Variants in SLC11A2 observed in about 807,000 individuals in gnomAD.
The protein encoded by SLC11A2 is natural resistance-associated macrophage protein 2.
Under a neutral mutation model 68.0 loss-of-function variants are expected in SLC11A2, and 38 were observed. That is an observed-to-expected ratio of 0.56 (90% confidence interval 0.43 to 0.73). SLC11A2 has a LOEUF of 0.73. Among genes scored for constraint, SLC11A2 ranks in the 30% least tolerant of loss-of-function variants. SLC11A2 has a pLI of 0.00. For missense variants in SLC11A2, 517 were observed against 690.5 expected (o/e 0.75, Z 2.82); for synonymous variants, 242 against 250.6 (o/e 0.97, Z 0.32).
intron 1 of SLC11A2, among the ~76,000 whole-genome samples, chr12:51,023,454 T>A (rs1453745126): frequency 6.6e-6 from 1 of 152,018 alleles, no homozygotes; most frequent in Non-Finnish European, 1.5e-5. Flanking sequence ...CTCAAAAATA[T>A]AAAAATAAAG....
intron 3 of SLC11A2, chr12:51,006,321 CAAACAAAA>C (rs1004643107): frequency 6.2e-6 from 1 of 162,552 alleles, no homozygotes; most frequent in African/African-American, 2.4e-5. Context: ...AACAAACAAA[CAAACAAAA>C]ACCAGAGATC....
At chr12:50,989,218 G>A (rs1000373864) in intron 15 of SLC11A2, among the ~76,000 whole-genome samples, 4 of 152,126 alleles carry the variant, frequency 2.6e-5, no homozygotes, top group Non-Finnish European at 5.9e-5. Context: ...AGCCAGACAC[G>A]GTGGCTCATG....
downstream of SLC11A2, among the ~76,000 whole-genome samples, chr12:50,977,739 T>G (rs1939867915): frequency 6.6e-6 from 1 of 152,044 alleles, no homozygotes; most frequent in South Asian, 2.1e-4. Flanking sequence ...ATTTCTGCAA[T>G]CTACTCATCT....
At chr12:51,021,916 C>A (rs1321942833) in intron 1 of SLC11A2, among the ~76,000 whole-genome samples, 1 of 152,086 alleles carries the variant, frequency 6.6e-6, no homozygotes, top group Non-Finnish European at 1.5e-5. Flanking sequence ...GAGTACTTAT[C>A]TTTTAAACAA....
At chr12:51,028,237 A>G, upstream of SLC11A2, 3 of 1,534,364 alleles carry the variant, frequency 2.0e-6, no homozygotes, top group Non-Finnish European at 2.6e-6. Context: ...GTGCAGAACT[A>G]GTTTGACTTT....
At chr12:51,013,564 C>A (rs373838293) in intron 1 of SLC11A2, among the ~76,000 whole-genome samples, 1 of 151,480 alleles carries the variant, frequency 6.6e-6, no homozygotes, top group Non-Finnish European at 1.5e-5. Flanking sequence ...GGAAAATCAG[C>A]TGGGCACTGT....
chr12:50,997,771 T>C (rs1592347717), intron 8 of SLC11A2, among the ~76,000 whole-genome samples: 1 of 144,620 alleles, frequency 6.9e-6, no homozygotes, highest in South Asian at 2.2e-4. Flanking sequence ...GTGGATCACC[T>C]GAGGTCAGGA....
chr12:50,988,057 G>A lies in SLC11A2; in HGVS notation c.*268C>T. On this transcript the variant is annotated 3_prime_UTR_variant, in exon 16 of 16. Coordinates refer to ENST00000262052, the MANE Select transcript of SLC11A2 (RefSeq NM_000617.3). ...GAAGGATAAACTGAGCTGGCCCTTGGGCAACTACTTAAGAATTTAGTGTTG... is the reference window on the plus strand; with the variant it reads ...GAAGGATAAACTGAGCTGGCCCTTGAGCAACTACTTAAGAATTTAGTGTTG... 1 of 1,404,940 alleles carries A rather than the reference G, an allele frequency of 7.1e-7. No homozygotes were observed. 87.0% of individuals were successfully genotyped at this position (1,404,940 alleles called of 1,614,324 possible). A position where few individuals can be genotyped will look rare whatever the true frequency, so the allele number is the denominator to read the frequency against.
chr12:51,020,225 T>TA (rs1491152247), intron 1 of SLC11A2, among the ~76,000 whole-genome samples: 1 of 138,802 alleles, frequency 7.2e-6, no homozygotes, highest in Non-Finnish European at 1.6e-5. Flanking sequence ...CACAGCTGGC[T>TA]TTTTTTTTTT....
At chr12:50,992,997 G>A in intron 11 of SLC11A2, 68 bp from the exon 12 acceptor site, 2 of 1,587,002 alleles carry the variant, frequency 1.3e-6, no homozygotes, top group South Asian at 2.2e-5. Flanking sequence ...CAAAACAGCA[G>A]TTCCCTGTGG....
At chr12:50,967,297 C>T in the SLC11A2 span, among the ~76,000 whole-genome samples, 1 of 151,670 alleles carries the variant, frequency 6.6e-6, no homozygotes, top group African/African-American at 2.4e-5. Context: ...AGGTATGCAT[C>T]ATCATGTCTG....
intron 11 of SLC11A2, among the ~76,000 whole-genome samples, chr12:50,993,525 C>T (rs1941390538): frequency 6.6e-6 from 1 of 151,474 alleles, no homozygotes; most frequent in South Asian, 2.1e-4. Context: ...AATACCCTGA[C>T]TCTACAAAAA....
Position 51,026,384 on chromosome 12 carries a change from T to A in SLC11A2, c.-113A>T. On this transcript the variant is annotated 5_prime_UTR_variant, in exon 1 of 16. Transcript: ENST00000262052. ...CATATTCCGGGAGCCAGCGCCACGC[T>A]GGCTAACGCCCTCCCCTCCCCGCGA... 1 of 1,274,286 alleles carries A rather than the reference T, an allele frequency of 7.8e-7. No homozygotes were observed. The highest frequency in any genetic ancestry group is 1.0e-6 in the Non-Finnish European group (1 of 977,738). 78.9% of individuals were successfully genotyped at this position (1,274,286 alleles called of 1,614,324 possible). A position where few individuals can be genotyped will look rare whatever the true frequency, so the allele number is the denominator to read the frequency against.
chr12:50,955,228 G>T, the SLC11A2 span, among the ~76,000 whole-genome samples: 1 of 152,178 alleles, frequency 6.6e-6, no homozygotes, highest in Non-Finnish European at 1.5e-5. Context: ...GGGAGGTAGA[G>T]GTTGGGTGCA....
intron 1 of SLC11A2, among the ~76,000 whole-genome samples, chr12:51,022,103 G>A (rs1205173456): frequency 6.6e-6 from 1 of 152,100 alleles, no homozygotes; most frequent in East Asian, 1.9e-4. Context: ...CTTCGTCTTT[G>A]TTCTTCCCAA....
chr12:50,963,725 G>A, the SLC11A2 span, among the ~76,000 whole-genome samples: 2 of 152,134 alleles, frequency 1.3e-5, no homozygotes, highest in Non-Finnish European at 2.9e-5. Context: ...AGAAGAATTC[G>A]ACTGCTGCAT....
intron 1 of SLC11A2, chr12:51,014,231 G>A (rs940024125): frequency 3.9e-5 from 6 of 152,264 alleles, no homozygotes; most frequent in East Asian, 1.9e-4. Context: ...ACGTGCTGCC[G>A]AAGCAAGCAC....
At chr12:51,005,954 T>C (rs934010920) in intron 3 of SLC11A2, 7 of 316,594 alleles carry the variant, frequency 2.2e-5, no homozygotes, top group African/African-American at 1.5e-4. Flanking sequence ...CAAACCTCAT[T>C]ATACTCCCGT....
the SLC11A2 span, among the ~76,000 whole-genome samples, chr12:50,962,676 A>C: frequency 6.6e-6 from 1 of 152,056 alleles, no homozygotes; most frequent in Admixed American, 6.5e-5. Context: ...TAGCCTGGGC[A>C]TCAGAGCAAG....
Sources: gnomAD v4.1 joint callset for allele counts (sites outside exome capture counted in the v4.1 genomes callset) on GRCh38, gnomAD v4.1.1 for gene constraint, MANE v1.5 for transcripts, NCBI Gene and HGNC (gene_info 2026-07-23, HGNC 2026-07-21) for gene names.